ZNF804A: variants seen among roughly 807,000 people sequenced by gnomAD.
ZNF804A encodes zinc finger protein 804A.
A neutral mutation model predicts 16.5 loss-of-function variants in ZNF804A; 2 were observed. The observed-to-expected ratio is 0.12, with a 90% CI of 0.05 to 0.38. The LOEUF (loss-of-function observed/expected upper bound fraction) is 0.38. ZNF804A is among the 10% of genes least tolerant of loss of function. The probability of loss-of-function intolerance (pLI) is 0.99; values close to 1 mark genes in which losing one functional copy is unlikely to be tolerated. For missense variants in ZNF804A, 1,473 were observed against 1,390.7 expected (o/e 1.06, Z -0.94); for synonymous variants, 534 against 489.6 (o/e 1.09, Z -1.20).
chr2:184,714,993 A>C (rs2105738878), intron 1 of ZNF804A, among the ~76,000 whole-genome samples: 1 of 152,322 alleles, frequency 6.6e-6, no homozygotes, highest in Middle Eastern at 3.4e-3. Context: ...AGTTAGTAAA[A>C]GTTTCTCTCT....
At chr2:184,808,704 C>T (rs1431001894) in intron 1 of ZNF804A, among the ~76,000 whole-genome samples, 2 of 150,626 alleles carry the variant, frequency 1.3e-5, no homozygotes, top group Admixed American at 1.3e-4. Flanking sequence ...AAATGCAAAC[C>T]CTAAATATTT....
At chr2:184,735,971 G>A (rs996373431) in intron 1 of ZNF804A, among the ~76,000 whole-genome samples, 8 of 152,150 alleles carry the variant, frequency 5.3e-5, no homozygotes, top group Non-Finnish European at 1.0e-4. Flanking sequence ...ATATTTCATT[G>A]TAGTCCATCA....
chr2:184,804,409 T>C (rs1182960233), intron 1 of ZNF804A, among the ~76,000 whole-genome samples: 2 of 152,190 alleles, frequency 1.3e-5, no homozygotes, highest in Non-Finnish European at 2.9e-5. Context: ...GTATCTGAAA[T>C]AATTATGCTG....
intron 2 of ZNF804A, among the ~76,000 whole-genome samples, chr2:184,932,637 T>A (rs185522108): frequency 3.9e-4 from 59 of 152,308 alleles, no homozygotes; most frequent in African/African-American, 1.2e-3. Flanking sequence ...CTAGTATAAG[T>A]GAGTCCTACT....
intron 1 of ZNF804A, among the ~76,000 whole-genome samples, chr2:184,675,878 T>A (rs1692421240): frequency 6.6e-6 from 1 of 151,702 alleles, no homozygotes; most frequent in Admixed American, 6.6e-5. Context: ...ATCATTGAAC[T>A]AGATAAGCTT....
intron 1 of ZNF804A, among the ~76,000 whole-genome samples, chr2:184,846,939 T>G (rs1257528445): frequency 6.6e-6 from 1 of 152,114 alleles, no homozygotes; most frequent in Admixed American, 6.6e-5. Context: ...ACTATCCTTC[T>G]TGTACATGAA....
At chr2:184,912,241 T>G (rs1232924119) in intron 2 of ZNF804A, among the ~76,000 whole-genome samples, 1 of 152,114 alleles carries the variant, frequency 6.6e-6, no homozygotes, top group African/African-American at 2.4e-5. Flanking sequence ...AATTGAATTA[T>G]ACAGTATATG....
rs376903540 is a variant in ZNF804A at position 184,936,210 on chromosome 2, G to A, written c.814G>A (p.Glu272Lys). 2 of 1,613,870 alleles carry A rather than the reference G, an allele frequency of 1.2e-6. No individual in the cohort carries two copies. The highest frequency in any genetic ancestry group is 1.3e-5 in the African/African-American group (1 of 74,904). ...SSPTDVLLSSEEKTNSFHPPE... is the reference protein window; with the variant it reads ...SSPTDVLLSSKEKTNSFHPPE... Reference sequence around the variant, plus strand: ...ACCAACAGATGTGCTTTTGAGTTCTGAGGAGAAAACTAACTCTTTTCATCC... The same window carrying A: ...ACCAACAGATGTGCTTTTGAGTTCTAAGGAGAAAACTAACTCTTTTCATCC... Residue 272 changes from glutamate to lysine, a missense_variant, in exon 4 of 4, where the codon GAG (glutamate) becomes AAG (lysine). Coordinates refer to ENST00000302277, the MANE Select transcript of ZNF804A (RefSeq NM_194250.2).
At chr2:184,845,545 G>A (rs369179010) in intron 1 of ZNF804A, among the ~76,000 whole-genome samples, 28 of 152,226 alleles carry the variant, frequency 1.8e-4, no homozygotes, top group African/African-American at 6.7e-4. Context: ...AAAGGCTATG[G>A]GGTCTGGACT....
At chr2:184,685,156 G>A (rs1692607526) in intron 1 of ZNF804A, among the ~76,000 whole-genome samples, 1 of 152,124 alleles carries the variant, frequency 6.6e-6, no homozygotes, top group African/African-American at 2.4e-5. Context: ...GTGGGGGCAG[G>A]CAGCTCCAGG....
At chr2:184,896,074 C>T (rs1685059894) in intron 2 of ZNF804A, among the ~76,000 whole-genome samples, 1 of 152,002 alleles carries the variant, frequency 6.6e-6, no homozygotes, top group African/African-American at 2.4e-5. Context: ...TTATTTGCCA[C>T]GTGTTTTTTT....
At chr2:184,918,407 A>T (rs1685483378) in intron 2 of ZNF804A, among the ~76,000 whole-genome samples, 1 of 152,186 alleles carries the variant, frequency 6.6e-6, no homozygotes, top group Non-Finnish European at 1.5e-5. Context: ...GCTAGTAAGT[A>T]AATCAATAGT....
intron 2 of ZNF804A, among the ~76,000 whole-genome samples, chr2:184,909,069 C>T (rs1685320576): frequency 6.6e-6 from 1 of 152,078 alleles, no homozygotes; most frequent in Admixed American, 6.6e-5. Context: ...ACTGTTCAAA[C>T]TCATAAGCTG....
rs1685841912 is a variant in ZNF804A, at chr2:184,938,726, T to C, written c.3330T>C (p.Ala1110=). ...HTVLQQHAAA[A]AAAAAAAAAG... ...TTTTGCAGCAGCACGCTGCAGCTGC[T>C]GCAGCTGCAGCTGCAGCCGCAGCTG... is the stretch of plus-strand genomic sequence containing the variant. The change falls in exon 4 of 4, where the codon GCT becomes GCC. Residue 1110 remains alanine, a synonymous_variant. Coordinates refer to ENST00000302277, the MANE Select transcript of ZNF804A (RefSeq NM_194250.2). The C allele has an allele frequency of 1.2e-6, 2 of 1,606,340 alleles. No individual in the cohort carries two copies. Among genetic ancestry groups the C allele is most frequent in the African/African-American group, 2.7e-5 (2 of 74,702 alleles).
chr2:184,914,297 G>T (rs1018138767), intron 2 of ZNF804A, among the ~76,000 whole-genome samples: 1 of 152,138 alleles, frequency 6.6e-6, no homozygotes, highest in Non-Finnish European at 1.5e-5. Context: ...CCAAGTTACA[G>T]TTTAATTGCA....
At chr2:184,718,352 C>T (rs1340971101) in intron 1 of ZNF804A, among the ~76,000 whole-genome samples, 1 of 152,078 alleles carries the variant, frequency 6.6e-6, no homozygotes, top group East Asian at 1.9e-4. Context: ...TATCATTCCA[C>T]CTCAACCACT....
chr2:184,815,119 C>A lies in ZNF804A; in HGVS notation c.112-51250C>A, dbSNP rs367862517. 1.4e-4 allele frequency among the ~76,000 whole-genome samples: 22 copies of A among 151,876 alleles called. 1 individual carries two copies. In the East Asian group the frequency reaches 2.5e-3, roughly 17 times the overall value. On this transcript the variant is annotated intron_variant, in intron 1 of 3. Coordinates refer to ENST00000302277, the MANE Select transcript of ZNF804A (RefSeq NM_194250.2). ...TGTTAGTGCTCTGATGAGTGATTAC[C>A]AATTACTACAATTTGAAAGTCAGTG...
At chr2:184,775,197 A>G (rs192513066) in intron 1 of ZNF804A, among the ~76,000 whole-genome samples, 3 of 151,838 alleles carry the variant, frequency 2.0e-5, no homozygotes, top group Admixed American at 2.0e-4. Flanking sequence ...TAGGAGTGTT[A>G]TGTATTTAAG....
At chr2:184,685,274 C>T (rs1165883076) in intron 1 of ZNF804A, among the ~76,000 whole-genome samples, 2 of 151,992 alleles carry the variant, frequency 1.3e-5, no homozygotes, top group Admixed American at 1.3e-4. Flanking sequence ...GCAGTGGCAC[C>T]CAGAAGCTTA....
Sources: allele counts gnomAD v4.1 joint callset (sites outside exome capture counted in the v4.1 genomes callset), GRCh38; gene constraint gnomAD v4.1.1; transcripts MANE v1.5; gene names NCBI Gene and HGNC (gene_info 2026-07-23, HGNC 2026-07-21).